The following PXYLP1 variants were observed in gnomAD, a reference collection of about 807,000 sequenced individuals.
PXYLP1 encodes the protein acid phosphatase-like 2.
A neutral mutation model predicts 37.9 loss-of-function variants in PXYLP1; 17 were observed. The observed-to-expected ratio is 0.45, with a 90% CI of 0.31 to 0.67. The LOEUF (loss-of-function observed/expected upper bound fraction) is 0.67. Among genes scored for constraint, PXYLP1 ranks in the 30% least tolerant of loss-of-function variants. PXYLP1 has a pLI of 0.07. For missense variants in PXYLP1, 511 were observed against 612.0 expected, an observed-to-expected ratio of 0.84 and a Z score of 1.74; for synonymous variants, 221 against 232.2, an observed-to-expected ratio of 0.95 and a Z score of 0.44.
intron 2 of PXYLP1, chr3:141,274,169 C>T (rs1941733959): frequency 9.7e-7 from 1 of 1,026,946 alleles, no homozygotes; most frequent in Non-Finnish European, 1.2e-6. Context: ...GCCCCTGGGT[C>T]TGTCCCTCAG....
chr3:141,256,969 G>C (rs1011341194), intron 1 of PXYLP1, among the ~76,000 whole-genome samples: 6 of 152,212 alleles, frequency 3.9e-5, no homozygotes, highest in African/African-American at 1.4e-4. Context: ...ACTAGAAGCA[G>C]TCAGGCAGTT....
intron 2 of PXYLP1, among the ~76,000 whole-genome samples, chr3:141,268,168 G>GGAGAGAGA (rs142785821): frequency 2.2e-4 from 28 of 129,684 alleles, no homozygotes; most frequent in East Asian, 4.5e-4. Context: ...GGTGGGTGGG[G>GGAGAGAGA]GAGAGAGAGA....
At chr3:141,279,009 T>C (rs1321631602) in intron 3 of PXYLP1, among the ~76,000 whole-genome samples, 2 of 152,234 alleles carry the variant, frequency 1.3e-5, no homozygotes, top group Non-Finnish European at 2.9e-5. Flanking sequence ...TCTGGTCTCA[T>C]GAAAGATTTA....
At chr3:141,266,597 AG>A (rs11328917) in intron 2 of PXYLP1, among the ~76,000 whole-genome samples, 66,941 of 150,150 alleles carry the variant, frequency 0.45, 16,952 homozygotes, top group South Asian at 0.61. Flanking sequence ...TGGGGAGCTG[AG>A]GAGGCCCCAC....
intron 2 of PXYLP1, chr3:141,274,142 A>G (rs1180332835): frequency 2.0e-6 from 2 of 1,014,086 alleles, no homozygotes; most frequent in Non-Finnish European, 2.4e-6. Context: ...AGTGTCCTGG[A>G]GCAGTGTCTG....
At chr3:141,260,718 T>C (rs1214888524) in intron 2 of PXYLP1, among the ~76,000 whole-genome samples, 2 of 152,212 alleles carry the variant, frequency 1.3e-5, no homozygotes, top group African/African-American at 4.8e-5. Context: ...AAATCCCCTG[T>C]GACGAGACAG....
intron 2 of PXYLP1, among the ~76,000 whole-genome samples, 191 bp from the exon 3 acceptor site, chr3:141,278,151 C>G (rs10935426): frequency 0.69 from 104,562 of 152,128 alleles, 36,148 homozygotes; most frequent in Non-Finnish European, 0.72. Context: ...GTGGCAGTGA[C>G]GAAGGGGCAG....
chr3:141,253,657 A>G (rs770646018), intron 1 of PXYLP1, among the ~76,000 whole-genome samples: 24 of 148,370 alleles, frequency 1.6e-4, no homozygotes, highest in Admixed American at 4.1e-4. Context: ...CAGACTCTAC[A>G]CTTCTGTTTT....
At chr3:141,233,695 G>A (rs1056738773) in intron 1 of PXYLP1, among the ~76,000 whole-genome samples, 1 of 152,176 alleles carries the variant, frequency 6.6e-6, no homozygotes, top group Non-Finnish European at 1.5e-5. Context: ...GCTGCGTTTG[G>A]GCACCAGGAA....
At chr3:141,285,267 C>T (rs974315466) in intron 4 of PXYLP1, among the ~76,000 whole-genome samples, 1 of 147,934 alleles carries the variant, frequency 6.8e-6, no homozygotes, top group African/African-American at 2.5e-5. Context: ...CTGCTTTAGC[C>T]TCCTGAGTGG....
chr3:141,259,847 G>A (rs564688332), intron 1 of PXYLP1, among the ~76,000 whole-genome samples: 71 of 152,318 alleles, frequency 4.7e-4, no homozygotes, highest in South Asian at 2.1e-3. Flanking sequence ...GGAAGGTCAT[G>A]TCTGTAAAAT....
intron 5 of PXYLP1, among the ~76,000 whole-genome samples, chr3:141,290,404 G>A (rs566940814): frequency 6.6e-6 from 1 of 152,290 alleles, no homozygotes; most frequent in Admixed American, 6.5e-5. Flanking sequence ...TGTGTAGAGT[G>A]CCTAGTGCAG....
rs1005829161 is a variant in PXYLP1 at position 141,293,969 on chromosome 3, G to A, written c.*764G>A. 4 of 152,136 alleles carry A rather than the reference G, an allele frequency of 2.6e-5. No individual in the cohort carries two copies. Among genetic ancestry groups the A allele is most frequent in the African/African-American group, 9.7e-5 (4 of 41,422 alleles). 9.4% of individuals were successfully genotyped at this position (152,136 alleles called of 1,614,324 possible). On this transcript the variant is annotated 3_prime_UTR_variant, in exon 6 of 6. Transcript: ENST00000286353. Reference sequence around the variant, plus strand: ...ACTTCTGCTAGAAACACAGAATTTGGTCTGTATCTGACACTAGAACAAAAC... The same window carrying A: ...ACTTCTGCTAGAAACACAGAATTTGATCTGTATCTGACACTAGAACAAAAC...
chr3:141,292,390 A>G lies in PXYLP1; in HGVS notation c.628A>G (p.Thr210Ala). The G allele has an allele frequency of 6.2e-7, 1 of 1,614,140 alleles. No individual in the cohort carries two copies. Among genetic ancestry groups the G allele is most frequent in the Admixed American group, 1.7e-5 (1 of 60,020 alleles). Residue 210 changes from threonine to alanine, a missense_variant, in exon 6 of 6, where the codon ACC (threonine) becomes GCC (alanine). Physicochemically the swap from Thr to Ala is moderately conservative, Grantham distance 58 (BLOSUM62 0). Coordinates refer to ENST00000286353, the MANE Select transcript of PXYLP1 (RefSeq NM_001037172.3). This position sits in a 1 kb window ranked among gnomAD's most constrained non-coding sequence, Gnocchi z 4.3. ...LYLETTGKSR[T>A]LQSGLALLYG... The stretch of plus-strand genomic sequence containing the variant: ...TTTAGAGACCACTGGGAAAAGCCGG[A>G]CCCTACAAAGTGGGCTGGCCTTGCT...
intron 4 of PXYLP1, among the ~76,000 whole-genome samples, chr3:141,285,144 C>CTTTTCTTTTT (rs763505752): frequency 1.3e-5 from 1 of 78,762 alleles, no homozygotes; most frequent in Non-Finnish European, 2.6e-5. Flanking sequence ...TTTTCTTTTT[C>CTTTTCTTTTT]TTTTTTTTTT....
chr3:141,242,339 A>G (rs1014394496), intron 1 of PXYLP1, among the ~76,000 whole-genome samples: 5 of 152,354 alleles, frequency 3.3e-5, no homozygotes, highest in African/African-American at 1.2e-4. Context: ...GCTGGTGTGC[A>G]GTCCATCAGG....
Position 141,293,216 on chromosome 3 carries a change from G to A in PXYLP1, c.*11G>A. The stretch of plus-strand genomic sequence containing the variant: ...AGGGAAGGATTCTAAAAGGTATGCA[G>A]TACAGCAGTATAGAATCCATGCCAA... On this transcript the variant is annotated 3_prime_UTR_variant, in exon 6 of 6. Coordinates refer to ENST00000286353, the MANE Select transcript of PXYLP1 (RefSeq NM_001037172.3). 14 of 1,606,270 alleles carry A rather than the reference G, an allele frequency of 8.7e-6. No homozygotes were observed. Among genetic ancestry groups the A allele is most frequent in the Non-Finnish European group, 1.2e-5 (14 of 1,175,790 alleles).
At chr3:141,278,307 A>C in intron 2 of PXYLP1, 35 bp from the exon 3 acceptor site, 2 of 1,612,836 alleles carry the variant, frequency 1.2e-6, no homozygotes, top group Non-Finnish European at 1.7e-6. Context: ...GCGCCCCAGG[A>C]ACTGTGCGTC....
rs1213394270 is a variant in PXYLP1, at chr3:141,262,670, G to A, written c.79+2416G>A. On this transcript the variant is annotated intron_variant, in intron 2 of 5. Coordinates refer to ENST00000286353, the MANE Select transcript of PXYLP1 (RefSeq NM_001037172.3). ...GTCTGAGCTCTTTATTCTTGGATAC[G>A]TTGGAGATCGGAAAGATATTAAGAT... The A allele has an allele frequency of 4.2e-5, 65 of 1,532,626 alleles. No individual in the cohort carries two copies. In the Middle Eastern group the frequency reaches 8.3e-4, roughly 20 times the overall value. 94.9% of individuals were successfully genotyped at this position (1,532,626 alleles called of 1,614,324 possible). A position where few individuals can be genotyped will look rare whatever the true frequency, so the allele number is the denominator to read the frequency against.
Sources: gnomAD v4.1 joint callset for allele counts (sites outside exome capture counted in the v4.1 genomes callset) on GRCh38, gnomAD v4.1.1 for gene constraint, Gnocchi (gnomAD v3.1) non-coding constraint, MANE v1.5 for transcripts, NCBI Gene and HGNC (gene_info 2026-07-23, HGNC 2026-07-21) for gene names.